Variants in SPECC1 observed in about 807,000 individuals in gnomAD.
SPECC1 encodes the protein sperm antigen with calponin homology and coiled-coil domains 1.
A neutral mutation model predicts 104.1 loss-of-function variants in SPECC1; 62 were observed. The ratio of observed to expected loss-of-function variants is 0.60; its 90% CI spans 0.49 to 0.74. SPECC1 has a LOEUF of 0.74. Among genes scored for constraint, SPECC1 ranks in the 30% least tolerant of loss-of-function variants. The pLI is 0.00. For missense variants in SPECC1, 1,306 were observed against 1,310.5 expected, an observed-to-expected ratio of 1.00 and a Z score of 0.05; for synonymous variants, 513 against 501.6, an observed-to-expected ratio of 1.02 and a Z score of -0.30.
At chr17:20,111,211 C>A (rs112184367) in intron 3 of SPECC1, among the ~76,000 whole-genome samples, 1 of 152,204 alleles carries the variant, frequency 6.6e-6, no homozygotes, top group African/African-American at 2.4e-5. Context: ...TCTTACAGTG[C>A]AGCCCTCAGT....
At chr17:20,079,279 T>C (rs2046878020) in intron 1 of SPECC1, among the ~76,000 whole-genome samples, 1 of 152,096 alleles carries the variant, frequency 6.6e-6, no homozygotes. Flanking sequence ...GTGTTCCTTA[T>C]CTCTGGTTTA....
intron 3 of SPECC1, among the ~76,000 whole-genome samples, chr17:20,189,341 C>G (rs1214744029): frequency 6.6e-6 from 1 of 152,132 alleles, no homozygotes; most frequent in Non-Finnish European, 1.5e-5. Context: ...GAAGCTAAGG[C>G]GCAGTATGCA....
chr17:20,282,213 G>C (rs925858412), intron 12 of SPECC1, among the ~76,000 whole-genome samples: 9 of 152,254 alleles, frequency 5.9e-5, no homozygotes, highest in Non-Finnish European at 1.3e-4. Context: ...GGCCCCAGCT[G>C]CTCCTGAGAT....
chr17:20,165,978 CCATTCTGTAGGTAG>C (rs1201305040), intron 3 of SPECC1, among the ~76,000 whole-genome samples: 2 of 151,964 alleles, frequency 1.3e-5, no homozygotes, highest in Non-Finnish European at 2.9e-5. Context: ...AAATGTTCTC[CCATTCTGTAGGTAG>C]CAGTATCCTT....
chr17:20,090,994 T>G (rs998709110), intron 1 of SPECC1, among the ~76,000 whole-genome samples: 1 of 152,230 alleles, frequency 6.6e-6, no homozygotes, highest in African/African-American at 2.4e-5. Context: ...GTCCATAGTT[T>G]CTTACTCCAC....
At chr17:20,112,421 T>C in intron 3 of SPECC1, 1 of 763,900 alleles carries the variant, frequency 1.3e-6, no homozygotes, top group South Asian at 1.3e-5. Context: ...TTCACCAATA[T>C]CCTGAAAGGA....
At chr17:20,057,576 G>C (rs903599282) in intron 1 of SPECC1, 1 of 152,174 alleles carries the variant, frequency 6.6e-6, no homozygotes, top group African/African-American at 2.4e-5. Context: ...CTGCAGTCTT[G>C]ATCTCCTGGG....
chr17:20,095,342 T>G (rs1375429974), intron 1 of SPECC1, among the ~76,000 whole-genome samples: 1 of 152,228 alleles, frequency 6.6e-6, no homozygotes, highest in Non-Finnish European at 1.5e-5. Flanking sequence ...ATAGTTTTCC[T>G]TGGAAACACT....
chr17:20,156,140 C>A, intron 3 of SPECC1: 1 of 1,413,350 alleles, frequency 7.1e-7, no homozygotes, highest in Non-Finnish European at 9.2e-7. Context: ...GCGAGCTCGG[C>A]ACGGTGGACA....
At chr17:20,158,578 A>G (rs2032825970) in intron 3 of SPECC1, among the ~76,000 whole-genome samples, 1 of 152,178 alleles carries the variant, frequency 6.6e-6, no homozygotes. Flanking sequence ...GAGGGGTCTC[A>G]GGTTGGGCAG....
At chr17:20,252,836 C>T (rs1195744096) in intron 9 of SPECC1, among the ~76,000 whole-genome samples, 1 of 152,182 alleles carries the variant, frequency 6.6e-6, no homozygotes, top group Non-Finnish European at 1.5e-5. Flanking sequence ...CAAGAGAGTG[C>T]AAGTATCTCT....
At position 20,314,403 on chromosome 17, in the gene SPECC1, G is replaced by T. The variant is rs1286181792; in HGVS notation, c.*338G>T. The stretch of plus-strand genomic sequence containing the variant: ...TGGCTGAACGAACACATTATCTGCA[G>T]AAATTCAGACAAAGAACATCTCCAA... On this transcript the variant is annotated 3_prime_UTR_variant, in exon 15 of 15. Transcript: ENST00000395527. 1.5e-5 allele frequency: 5 copies of T among 322,808 alleles called. No individual in the cohort carries two copies. In the East Asian group the frequency reaches 2.2e-4, roughly 14 times the overall value. 20.0% of individuals were successfully genotyped at this position (322,808 alleles called of 1,614,324 possible). A position where few individuals can be genotyped will look rare whatever the true frequency, so the allele number is the denominator to read the frequency against.
Position 20,317,258 on chromosome 17 carries a change from A to ACTTTTTTTTTTTTTTTTTT in SPECC1, c.*3193_*3194insCTTTTTTTTTTTTTTTTTT. The ACTTTTTTTTTTTTTTTTTT allele has an allele frequency of 2.7e-5, 1 of 37,370 alleles. No individual in the cohort carries two copies. Among genetic ancestry groups the ACTTTTTTTTTTTTTTTTTT allele is most frequent in the Admixed American group, 2.5e-4 (1 of 3,986 alleles). 2.3% of individuals were successfully genotyped at this position (37,370 alleles called of 1,614,324 possible). ...GGCAAGACCTCTGACTCTATAAAAAAATTTTTTTTTTTTTTTTTTTTTGAG... is the reference window on the plus strand; with the variant it reads ...GGCAAGACCTCTGACTCTATAAAAAACTTTTTTTTTTTTTTTTTTATTTTTTTTTTTTTTTTTTTTTGAG... On this transcript the variant is annotated 3_prime_UTR_variant, in exon 15 of 15. Transcript: ENST00000395527.
At chr17:20,147,245 A>AT (rs1030587360) in intron 3 of SPECC1, among the ~76,000 whole-genome samples, 9 of 151,846 alleles carry the variant, frequency 5.9e-5, no homozygotes, top group African/African-American at 2.2e-4. Context: ...CTAATTTTGT[A>AT]TTTTTAGTAA....
intron 1 of SPECC1, among the ~76,000 whole-genome samples, chr17:20,033,309 G>T (rs1364101473): frequency 6.6e-6 from 1 of 152,084 alleles, no homozygotes; most frequent in African/African-American, 2.4e-5. Flanking sequence ...TTCAGATACT[G>T]TATTGTAGGA....
At chr17:20,093,508 A>T (rs1224279933) in intron 1 of SPECC1, among the ~76,000 whole-genome samples, 1 of 152,166 alleles carries the variant, frequency 6.6e-6, no homozygotes, top group Non-Finnish European at 1.5e-5. Context: ...CTCTCAGCTC[A>T]TGACAGCATT....
chr17:20,096,948 TGAAG>T (rs964198180), intron 2 of SPECC1, 150 bp downstream of exon 2: 1 of 1,045,596 alleles, frequency 9.6e-7, no homozygotes, highest in African/African-American at 1.6e-5. Context: ...TGCCTGGACA[TGAAG>T]GAATAGAGCT....
chr17:20,224,948 CTG>C (rs781011204), intron 4 of SPECC1, among the ~76,000 whole-genome samples: 11 of 152,184 alleles, frequency 7.2e-5, no homozygotes, highest in Non-Finnish European at 1.3e-4. Flanking sequence ...ATGATGAGTA[CTG>C]TGTGGGTACC....
chr17:20,027,753 C>G (rs971828946), intron 1 of SPECC1, among the ~76,000 whole-genome samples: 2 of 152,134 alleles, frequency 1.3e-5, no homozygotes, highest in Non-Finnish European at 2.9e-5. Context: ...TTCCATTGGT[C>G]TATGTGTCTG....
Sources: allele counts gnomAD v4.1 joint callset (sites outside exome capture counted in the v4.1 genomes callset), GRCh38; gene constraint gnomAD v4.1.1; transcripts MANE v1.5; gene names NCBI Gene and HGNC (gene_info 2026-07-23, HGNC 2026-07-21).